The following DNAH17 variants were observed in gnomAD, a reference collection of about 807,000 sequenced individuals.
DNAH17 encodes the protein dynein axonemal heavy chain 17.
In DNAH17, 376 loss-of-function variants were observed where a neutral mutation model predicts 485.6. That is an observed-to-expected ratio of 0.77 (90% CI 0.71 to 0.84). DNAH17 has a LOEUF of 0.84. Among genes scored for constraint, DNAH17 ranks in the 40% least tolerant of loss-of-function variants. The pLI is 0.00. For synonymous variants in DNAH17, 3,031 were observed against 2,405.9 expected, an observed-to-expected ratio of 1.26 and a Z score of -7.60; for missense variants, 6,370 against 5,839.3, an observed-to-expected ratio of 1.09 and a Z score of -2.96.
chr17:78,431,272 C>T (rs761608918), intron 75 of DNAH17, among the ~76,000 whole-genome samples: 5 of 152,352 alleles, frequency 3.3e-5, no homozygotes, highest in Non-Finnish European at 1.5e-5. Flanking sequence ...CAACTGTTTG[C>T]GGGCTGCTTT....
intron 56 of DNAH17, among the ~76,000 whole-genome samples, chr17:78,465,659 G>A (rs997757599): frequency 3.8e-4 from 58 of 150,726 alleles, no homozygotes; most frequent in Non-Finnish European, 7.8e-4. Flanking sequence ...CTGCCTGGCC[G>A]CCCCGTCTGA....
At chr17:78,568,693 C>T (rs1364442732) in intron 9 of DNAH17, among the ~76,000 whole-genome samples, 1 of 152,186 alleles carries the variant, frequency 6.6e-6, no homozygotes, top group East Asian at 1.9e-4. Flanking sequence ...TCAAGTGATC[C>T]TCCCTCCTCG....
At chr17:78,562,963 C>T (rs373406372) in intron 11 of DNAH17, among the ~76,000 whole-genome samples, 1 of 152,174 alleles carries the variant, frequency 6.6e-6, no homozygotes, top group Non-Finnish European at 1.5e-5. Context: ...AACCCACGCC[C>T]AATGGGGGCC....
chr17:78,477,448 A>G (rs2089084805), intron 51 of DNAH17, among the ~76,000 whole-genome samples: 1 of 151,954 alleles, frequency 6.6e-6, no homozygotes, highest in Admixed American at 6.6e-5. Context: ...GCACGATCTC[A>G]GCTTACTGCA....
chr17:78,425,295 A>G, intron 80 of DNAH17, 51 bp downstream of exon 80: 1 of 1,560,388 alleles, frequency 6.4e-7, no homozygotes, highest in Non-Finnish European at 8.8e-7. Flanking sequence ...TTGTCTTGGC[A>G]AGTAGCACTG....
At chr17:78,437,046 G>A (rs1299439676) in intron 74 of DNAH17, among the ~76,000 whole-genome samples, 2 of 152,156 alleles carry the variant, frequency 1.3e-5, no homozygotes, top group African/African-American at 4.8e-5. Flanking sequence ...CCTCCGTCCT[G>A]GAGGCAACCA....
At chr17:78,470,929 G>GT (rs977182375) in intron 54 of DNAH17, among the ~76,000 whole-genome samples, 1 of 151,930 alleles carries the variant, frequency 6.6e-6, no homozygotes, top group South Asian at 2.1e-4. Context: ...TAAATGAAAA[G>GT]TTTTTTTTAA....
Position 78,501,644 on chromosome 17 carries a change from G to C in DNAH17, c.5322+98C>G, listed in dbSNP as rs1216424400. ...GCCAGCAACAGAGTCAGTGCCCCAG[G>C]AAGAGGAAGTGGCAGGGTCTGAAGT... On this transcript the variant is annotated intron_variant, in intron 34 of 80. Transcript: ENST00000389840. 6.0e-6 allele frequency: 9 copies of C among 1,492,678 alleles called. No individual in the cohort carries two copies. The East Asian group carries it at 6.8e-5, about 11-fold the overall frequency. The allele number at this position is 1,492,678 out of a possible 1,614,324, so 92.5% of individuals were successfully genotyped here.
intron 14 of DNAH17, among the ~76,000 whole-genome samples, chr17:78,553,181 T>TC (rs1244126549): frequency 6.7e-6 from 1 of 148,490 alleles, no homozygotes; most frequent in East Asian, 2.0e-4. Flanking sequence ...TTTCCTGAGG[T>TC]CCCCCCAGAA....
intron 58 of DNAH17, among the ~76,000 whole-genome samples, 165 bp from the exon 59 acceptor site, chr17:78,460,422 GTATGTGCATCCATGTGCA>G (rs2088060333): frequency 6.6e-6 from 1 of 152,224 alleles, no homozygotes; most frequent in Non-Finnish European, 1.5e-5. Context: ...GCATGTATGT[GTATGTGCATCCATGTGCA>G]TATGTGCATG....
Position 78,480,675 on chromosome 17 carries a change from T to TA in DNAH17, c.7752+8_7752+9insT. 1 of 1,611,358 alleles carries TA rather than the reference T, an allele frequency of 6.2e-7. No homozygotes were observed. The highest frequency in any genetic ancestry group is 8.5e-7 in the Non-Finnish European group (1 of 1,178,358). Reference sequence around the variant, plus strand: ...GCAGGTGACGGGGATGAGTATGGTTTCTGCTTACCTGAAGCCTGGAGTCGA... The same window carrying TA: ...GCAGGTGACGGGGATGAGTATGGTTTACTGCTTACCTGAAGCCTGGAGTCGA... On this transcript the variant is annotated intron_variant, in intron 49 of 80. Coordinates refer to ENST00000389840, the MANE Select transcript of DNAH17 (RefSeq NM_173628.4).
Position 78,466,649 on chromosome 17 carries a change from A to T in DNAH17, c.8940+6T>A, listed in dbSNP as rs1288318547. The T allele has an allele frequency of 6.2e-6, 10 of 1,603,044 alleles. No individual in the cohort carries two copies. The African/African-American group carries it at 1.2e-4, about 19-fold the overall frequency. On this transcript the variant is annotated splice_donor_region_variant and intron_variant, in intron 56 of 80. Coordinates refer to ENST00000389840, the MANE Select transcript of DNAH17 (RefSeq NM_173628.4). ...CACTCAGGCAGAGGTGGCCTCAGTG[A>T]CTCACCGGAATCCCCTCAGTCTCCT...
At chr17:78,466,601 C>T (rs1598501282) in intron 56 of DNAH17, 54 bp downstream of exon 56, 5 of 1,517,450 alleles carry the variant, frequency 3.3e-6, no homozygotes, top group East Asian at 4.8e-5. Context: ...GCCCTTGGGC[C>T]TGTCCTTGTC....
chr17:78,500,994 C>T, intron 35 of DNAH17, 190 bp downstream of exon 35: 2 of 588,236 alleles, frequency 3.4e-6, no homozygotes, highest in East Asian at 3.2e-5. Flanking sequence ...TGCAGGAACT[C>T]TCCCAAGGCC....
rs377659276 is a variant in DNAH17 at position 78,562,057 on chromosome 17, G to C, written c.1570-77C>G. ...CAGCCTGTGGCTGTGGACAAAACGG[G>C]CAGGGCCAATCTTCAGGAGTGAGAG... On this transcript the variant is annotated intron_variant, in intron 11 of 80. Transcript: ENST00000389840. The C allele has an allele frequency of 3.8e-4, 563 of 1,478,372 alleles. 8 individuals carry two copies. In the South Asian group the frequency reaches 5.3e-3, roughly 14 times the overall value. 91.6% of individuals were successfully genotyped at this position (1,478,372 alleles called of 1,614,324 possible).
intron 73 of DNAH17, among the ~76,000 whole-genome samples, chr17:78,438,423 A>AG (rs1297829723): frequency 0.18 from 308 of 1,666 alleles, 13 homozygotes; most frequent in African/African-American, 0.31. Flanking sequence ...CCAAGTGAGG[A>AG]GAAGGAGGAG....
Position 78,527,233 on chromosome 17 carries a change from T to A in DNAH17, c.3508-237A>T, listed in dbSNP as rs61403070. ...CCCCATCTCTACAAAAAATACAAATTCTTTTTAGCTGGGCGTGATGATATG... is the reference window on the plus strand; with the variant it reads ...CCCCATCTCTACAAAAAATACAAATACTTTTTAGCTGGGCGTGATGATATG... On this transcript the variant is annotated intron_variant, in intron 22 of 80. Coordinates refer to ENST00000389840, the MANE Select transcript of DNAH17 (RefSeq NM_173628.4). Among the ~76,000 whole-genome samples the A allele has an allele frequency of 1, 152,105 of 152,112 alleles. 76,049 individuals carry two copies. Among genetic ancestry groups the A allele is most frequent in the Middle Eastern group, 1 (294 of 294 alleles).
intron 56 of DNAH17, 27 bp downstream of exon 56, chr17:78,466,628 C>T (rs776746231): frequency 1.3e-6 from 2 of 1,587,586 alleles, no homozygotes; most frequent in Middle Eastern, 1.7e-4. Context: ...GCTCTACACT[C>T]AGGCAGAGGT....
intron 13 of DNAH17, among the ~76,000 whole-genome samples, chr17:78,559,152 G>A (rs757726919): frequency 1.3e-5 from 2 of 152,204 alleles, no homozygotes; most frequent in South Asian, 4.1e-4. Flanking sequence ...CGCTGAATGA[G>A]GTAATGAGAT....
Sources: gnomAD v4.1 joint callset for allele counts (sites outside exome capture counted in the v4.1 genomes callset) on GRCh38, gnomAD v4.1.1 for gene constraint, MANE v1.5 for transcripts, NCBI Gene and HGNC (gene_info 2026-07-23, HGNC 2026-07-21) for gene names.